The following ABCC4 variants were observed in gnomAD, a reference collection of about 807,000 sequenced individuals.
ABCC4 encodes the protein ATP-binding cassette sub-family C member 4.
Under a neutral mutation model 168.5 loss-of-function variants are expected in ABCC4, and 102 were observed. The ratio of observed to expected loss-of-function variants is 0.61; its 90% CI spans 0.52 to 0.71. The LOEUF is 0.71. ABCC4 is among the 30% of genes least tolerant of loss of function. The pLI, the probability that ABCC4 is intolerant of heterozygous loss-of-function variation, is 0.00. For synonymous variants in ABCC4, 617 were observed against 590.7 expected, an observed-to-expected ratio of 1.04 and a Z score of -0.65; for missense variants, 1,402 against 1,605.8, an observed-to-expected ratio of 0.87 and a Z score of 2.17.
At chr13:95,057,886 G>A (rs1041284350) in intron 26 of ABCC4, among the ~76,000 whole-genome samples, 1 of 152,166 alleles carries the variant, frequency 6.6e-6, no homozygotes, top group African/African-American at 2.4e-5. Flanking sequence ...CAAGCCATTT[G>A]GCTTTCCACT....
At chr13:95,150,501 C>T (rs1258273599) in intron 19 of ABCC4, among the ~76,000 whole-genome samples, 1 of 151,920 alleles carries the variant, frequency 6.6e-6, no homozygotes, top group Non-Finnish European at 1.5e-5. Context: ...CCTCCCCCTT[C>T]CCCACTGCCA....
intron 25 of ABCC4, among the ~76,000 whole-genome samples, chr13:95,063,085 AC>A (rs984241488): frequency 6.6e-6 from 1 of 152,124 alleles, no homozygotes; most frequent in Non-Finnish European, 1.5e-5. Context: ...GCATCCCTGG[AC>A]CCTACTGCAT....
intron 8 of ABCC4, among the ~76,000 whole-genome samples, chr13:95,199,210 GTCTA>G (rs1231102722): frequency 6.6e-6 from 1 of 152,098 alleles, no homozygotes; most frequent in East Asian, 1.9e-4. Context: ...CCAAGCTCTG[GTCTA>G]TCTATGGTCA....
At chr13:95,299,717 T>TATCA (rs754614735) in intron 1 of ABCC4, among the ~76,000 whole-genome samples, 8 of 152,050 alleles carry the variant, frequency 5.3e-5, no homozygotes, top group African/African-American at 1.4e-4. Flanking sequence ...TAAAAGGCAA[T>TATCA]ATCAACATGT....
At chr13:95,177,910 A>G in intron 12 of ABCC4, 87 bp downstream of exon 12, 1 of 1,499,406 alleles carries the variant, frequency 6.7e-7, no homozygotes, top group Non-Finnish European at 9.3e-7. Context: ...CACAGGACGC[A>G]ATACACAGTA....
At chr13:95,110,528 TTAA>T (rs1190296234) in intron 20 of ABCC4, among the ~76,000 whole-genome samples, 1 of 152,108 alleles carries the variant, frequency 6.6e-6, no homozygotes, top group African/African-American at 2.4e-5. Flanking sequence ...TTCCAAATCA[TTAA>T]TATTAAATTT....
intron 29 of ABCC4, among the ~76,000 whole-genome samples, chr13:95,041,061 C>T (rs2032335714): frequency 6.6e-6 from 1 of 152,182 alleles, no homozygotes; most frequent in Non-Finnish European, 1.5e-5. Flanking sequence ...AAGTAACCAG[C>T]TAATCCTAAA....
intron 25 of ABCC4, among the ~76,000 whole-genome samples, chr13:95,065,773 C>A (rs970210818): frequency 2.6e-5 from 4 of 152,260 alleles, no homozygotes; most frequent in Non-Finnish European, 5.9e-5. Flanking sequence ...ATACCAATTT[C>A]TACTCCCACC....
chr13:95,289,336 G>A (rs118146771), intron 1 of ABCC4, among the ~76,000 whole-genome samples: 459 of 152,318 alleles, frequency 3.0e-3, no homozygotes, highest in Non-Finnish European at 4.8e-3. Context: ...GACCCAGGGT[G>A]AGAAAATAAA....
chr13:95,095,004 G>C (rs2034546217), intron 20 of ABCC4, among the ~76,000 whole-genome samples: 1 of 152,144 alleles, frequency 6.6e-6, no homozygotes, highest in African/African-American at 2.4e-5. Flanking sequence ...GTAGATGTTG[G>C]CATGGATGCA....
chr13:95,121,452 G>C (rs1265787726), intron 19 of ABCC4, among the ~76,000 whole-genome samples: 1 of 141,030 alleles, frequency 7.1e-6, no homozygotes, highest in African/African-American at 2.7e-5. Context: ...TTTGAGAAAA[G>C]GTCTCACTCT....
intron 14 of ABCC4, 137 bp downstream of exon 14, chr13:95,170,395 C>T: frequency 1.8e-6 from 1 of 552,170 alleles, no homozygotes; most frequent in African/African-American, 1.9e-5. Flanking sequence ...AATGACATTT[C>T]TACAAGTCTT....
intron 3 of ABCC4, among the ~76,000 whole-genome samples, chr13:95,244,919 C>G (rs1002104603): frequency 1.4e-5 from 2 of 148,086 alleles, no homozygotes; most frequent in Non-Finnish European, 3.0e-5. Context: ...AAGACCAGCT[C>G]TCCACCAACT....
intron 22 of ABCC4, 31 bp from the exon 23 acceptor site, chr13:95,074,355 A>C: frequency 2.6e-6 from 4 of 1,540,578 alleles, no homozygotes; most frequent in Non-Finnish European, 3.6e-6. Context: ...AAGCATGATG[A>C]ATAAGTAGAT....
At chr13:95,166,990 T>C (rs1678373) in intron 14 of ABCC4, among the ~76,000 whole-genome samples, 111,946 of 151,828 alleles carry the variant, frequency 0.74, 42,585 homozygotes, top group African/African-American at 0.93. Context: ...AGTTCGAGAC[T>C]AGCCTGGCCA....
chr13:95,205,619 G>A (rs950945979), intron 8 of ABCC4, among the ~76,000 whole-genome samples: 5 of 152,242 alleles, frequency 3.3e-5, no homozygotes, highest in African/African-American at 7.2e-5. Flanking sequence ...GAGTGACAGC[G>A]ACTTAGGAAA....
chr13:95,294,218 G>A (rs1427647644), intron 1 of ABCC4, among the ~76,000 whole-genome samples: 1 of 151,852 alleles, frequency 6.6e-6, no homozygotes, highest in Non-Finnish European at 1.5e-5. Flanking sequence ...AAATTATCCG[G>A]GCGTGGTTTT....
chr13:95,276,891 C>T (rs1035543984), intron 1 of ABCC4, among the ~76,000 whole-genome samples: 4 of 152,054 alleles, frequency 2.6e-5, no homozygotes, highest in South Asian at 2.1e-4. Flanking sequence ...TGGTGGCACA[C>T]GCCTGTAGTC....
At position 95,044,457 on chromosome 13, in the gene ABCC4, GAAT is replaced by G; in HGVS notation, c.3457-22_3457-20del. ...GTTGTACCTGTAGATGTACAAAGAA[GAAT>G]GACTGCTATCATTCAAGCCGCTATG... is the stretch of plus-strand genomic sequence containing the variant. On this transcript the variant is annotated intron_variant, in intron 27 of 30. Coordinates refer to ENST00000645237, the MANE Select transcript of ABCC4 (RefSeq NM_005845.5). The G allele has an allele frequency of 6.3e-7, 1 of 1,588,754 alleles. No homozygotes were observed. Among genetic ancestry groups the G allele is most frequent in the Non-Finnish European group, 8.6e-7 (1 of 1,167,266 alleles).
Sources: gnomAD v4.1 joint callset for allele counts (sites outside exome capture counted in the v4.1 genomes callset) on GRCh38, gnomAD v4.1.1 for gene constraint, MANE v1.5 for transcripts, NCBI Gene and HGNC (gene_info 2026-07-23, HGNC 2026-07-21) for gene names.